SYT16: variants seen among roughly 807,000 people sequenced by gnomAD.
SYT16 encodes the protein synaptotagmin 16.
Under a neutral mutation model 61.4 loss-of-function variants are expected in SYT16, and 42 were observed. The observed-to-expected ratio is 0.68, with a 90% confidence interval of 0.53 to 0.89. The LOEUF (loss-of-function observed/expected upper bound fraction) is 0.89, where lower values mean the gene tolerates loss of function less well. Among genes scored for constraint, SYT16 ranks in the 40% least tolerant of loss-of-function variants. The pLI is 0.00. For missense variants in SYT16, 804 were observed against 807.3 expected, an observed-to-expected ratio of 1.00 and a Z score of 0.05; for synonymous variants, 314 against 302.3, an observed-to-expected ratio of 1.04 and a Z score of -0.40.
At chr14:62,020,270 T>C (rs1189598667) in intron 3 of SYT16, among the ~76,000 whole-genome samples, 1 of 152,208 alleles carries the variant, frequency 6.6e-6, no homozygotes, top group African/African-American at 2.4e-5. Context: ...TTCACCTCAA[T>C]AGTAAAAGTA....
chr14:62,040,253 C>G lies in SYT16; in HGVS notation c.524-29350C>G, dbSNP rs75859545. Among the ~76,000 whole-genome samples the G allele has an allele frequency of 3.1e-3, 477 of 152,232 alleles. 1 individual carries two copies. Among genetic ancestry groups the G allele is most frequent in the African/African-American group, 0.011 (452 of 41,520 alleles). On this transcript the variant is annotated intron_variant, in intron 3 of 7. Coordinates refer to ENST00000683842, the MANE Select transcript of SYT16 (RefSeq NM_001367656.1). ...AATGTGGGATCAATCTCACCCAAACCTCATGAAGATATGGAGAGGGGTGGT... is the reference window on the plus strand; with the variant it reads ...AATGTGGGATCAATCTCACCCAAACGTCATGAAGATATGGAGAGGGGTGGT...
intron 1 of SYT16, among the ~76,000 whole-genome samples, chr14:61,816,160 G>A (rs2045419541): frequency 1.3e-5 from 2 of 152,172 alleles, no homozygotes; most frequent in Admixed American, 6.5e-5. Context: ...CCAGGCTGAT[G>A]TTCCTGCCCT....
chr14:62,040,984 T>C (rs2054706703), intron 3 of SYT16, among the ~76,000 whole-genome samples: 2 of 152,100 alleles, frequency 1.3e-5, no homozygotes, highest in Admixed American at 6.6e-5. Flanking sequence ...ACACAATCAA[T>C]GGGTCCCACA....
intron 1 of SYT16, among the ~76,000 whole-genome samples, chr14:61,898,607 T>G (rs1266165801): frequency 6.6e-6 from 1 of 152,198 alleles, no homozygotes; most frequent in Non-Finnish European, 1.5e-5. Context: ...CTGTGCACAT[T>G]GGAACTGTAG....
intron 5 of SYT16, among the ~76,000 whole-genome samples, chr14:62,078,612 A>C (rs1289454765): frequency 1.3e-5 from 2 of 152,210 alleles, no homozygotes; most frequent in Admixed American, 1.3e-4. Flanking sequence ...GGAAGAAGGG[A>C]GGTCAAGTGT....
intron 1 of SYT16, among the ~76,000 whole-genome samples, chr14:61,873,299 A>G (rs916330151): frequency 1.3e-5 from 2 of 152,232 alleles, no homozygotes; most frequent in African/African-American, 4.8e-5. Flanking sequence ...AGAAACCACC[A>G]TGTCACAGCC....
In SYT16 at chr14:62,105,096, A is replaced by T. The variant is rs542961182; in HGVS notation, c.*4389A>T. 2 of 152,224 alleles carry T rather than the reference A, an allele frequency of 1.3e-5. No homozygotes were observed. Among genetic ancestry groups the T allele is most frequent in the Admixed American group, 1.3e-4 (2 of 15,276 alleles). The allele number at this position is 152,224 out of a possible 1,614,324, so 9.4% of individuals were successfully genotyped here. A position where few individuals can be genotyped will look rare whatever the true frequency, so the allele number is the denominator to read the frequency against. On this transcript the variant is annotated 3_prime_UTR_variant, in exon 8 of 8. Coordinates refer to ENST00000683842, the MANE Select transcript of SYT16 (RefSeq NM_001367656.1). ...GGCTTCATCAGGACAGCCTAATCAG[A>T]GATAAGCCTGGTATGTGGAGGAAAT...
rs2057469177 is a variant in SYT16 at position 62,104,026 on chromosome 14, GCTTTAGATGAC to G, written c.*3323_*3333del. 1 of 152,192 alleles carries G rather than the reference GCTTTAGATGAC, an allele frequency of 6.6e-6. No homozygotes were observed. The highest frequency in any genetic ancestry group is 1.5e-5 in the Non-Finnish European group (1 of 68,042). 9.4% of individuals were successfully genotyped at this position (152,192 alleles called of 1,614,324 possible). ...TTGTTACCTCTTGTGCAGTTACTGT[GCTTTAGATGAC>G]CTTATCTGAGAACCAAAATTCTTTT... On this transcript the variant is annotated 3_prime_UTR_variant, in exon 8 of 8. Transcript: ENST00000683842.
rs552874832 is a variant in SYT16 at position 61,853,943 on chromosome 14, A to G, written c.-325+41133A>G. On this transcript the variant is annotated intron_variant, in intron 1 of 7. Transcript: ENST00000683842. ...TGATCTAATGTCTAAATGTGTCTCTATATACATGCATATTGATACTGTAAG... is the reference window on the plus strand; with the variant it reads ...TGATCTAATGTCTAAATGTGTCTCTGTATACATGCATATTGATACTGTAAG... Among the ~76,000 whole-genome samples, 41 of 152,340 alleles carry G rather than the reference A, an allele frequency of 2.7e-4. No homozygotes were observed. In the South Asian group the frequency reaches 6.6e-3, roughly 25 times the overall value.
At chr14:61,825,837 A>C (rs2045755925) in intron 1 of SYT16, among the ~76,000 whole-genome samples, 1 of 152,206 alleles carries the variant, frequency 6.6e-6, no homozygotes, top group African/African-American at 2.4e-5. Flanking sequence ...AAAAACAAGT[A>C]AGATAATTAT....
In SYT16 at chr14:62,104,941, G is replaced by T. The variant is rs2141031275; in HGVS notation, c.*4234G>T. On this transcript the variant is annotated 3_prime_UTR_variant, in exon 8 of 8. Coordinates refer to ENST00000683842, the MANE Select transcript of SYT16 (RefSeq NM_001367656.1). ...CCTCCTTACAGTCATGCCTGAAAAA[G>T]AAAATATTTAAGATGTGTCTTCTTT... 1 of 152,262 alleles carries T rather than the reference G, an allele frequency of 6.6e-6. No individual in the cohort carries two copies. Among genetic ancestry groups the T allele is most frequent in the African/African-American group, 2.4e-5 (1 of 41,556 alleles). The allele number at this position is 152,262 out of a possible 1,614,324, so 9.4% of individuals were successfully genotyped here. A position where few individuals can be genotyped will look rare whatever the true frequency, so the allele number is the denominator to read the frequency against.
intron 3 of SYT16, among the ~76,000 whole-genome samples, chr14:62,045,225 T>G (rs2054921601): frequency 6.6e-6 from 1 of 152,170 alleles, no homozygotes; most frequent in Non-Finnish European, 1.5e-5. Flanking sequence ...TAAGTGAGAT[T>G]GATCTACTGT....
chr14:62,006,928 C>G (rs1444819429), intron 3 of SYT16, among the ~76,000 whole-genome samples: 1 of 152,064 alleles, frequency 6.6e-6, no homozygotes, highest in Non-Finnish European at 1.5e-5. Flanking sequence ...GCATATAGAA[C>G]TTTAGAAACA....
intron 1 of SYT16, among the ~76,000 whole-genome samples, chr14:61,821,674 A>G (rs948508804): frequency 2.6e-5 from 4 of 152,228 alleles, no homozygotes. Flanking sequence ...TCTGCTAGTA[A>G]TAGAATCATG....
intron 5 of SYT16, chr14:62,077,625 A>G (rs2056542716): frequency 6.6e-6 from 1 of 152,270 alleles, no homozygotes; most frequent in Non-Finnish European, 1.5e-5. Flanking sequence ...GGTCAGATGG[A>G]TTAGTGGTAT....
intron 3 of SYT16, among the ~76,000 whole-genome samples, chr14:62,020,655 C>A (rs1000052773): frequency 6.6e-5 from 10 of 152,246 alleles, no homozygotes; most frequent in African/African-American, 2.4e-4. Context: ...GCTCTTTCCA[C>A]CTGGTTCTGA....
intron 1 of SYT16, among the ~76,000 whole-genome samples, chr14:61,866,275 A>G (rs1170943210): frequency 6.6e-6 from 1 of 152,154 alleles, no homozygotes; most frequent in Non-Finnish European, 1.5e-5. Flanking sequence ...ATGGGTACAC[A>G]TTTAGCTCTA....
intron 1 of SYT16, among the ~76,000 whole-genome samples, chr14:61,914,492 G>C (rs1295227953): frequency 1.3e-5 from 2 of 152,078 alleles, no homozygotes; most frequent in Non-Finnish European, 2.9e-5. Context: ...GTGTCCAGTA[G>C]GCCTCTCTAA....
At chr14:61,988,312 G>A (rs911897411) in intron 2 of SYT16, among the ~76,000 whole-genome samples, 1 of 152,120 alleles carries the variant, frequency 6.6e-6, no homozygotes, top group African/African-American at 2.4e-5. Context: ...ATTTCTGTGC[G>A]AGAGCAGTGA....
Sources: gnomAD v4.1 joint callset for allele counts (sites outside exome capture counted in the v4.1 genomes callset) on GRCh38, gnomAD v4.1.1 for gene constraint, MANE v1.5 for transcripts, NCBI Gene and HGNC (gene_info 2026-07-23, HGNC 2026-07-21) for gene names.